The following BBS12 variants were observed in gnomAD, a reference collection of about 807,000 sequenced individuals.
The protein encoded by BBS12 is chaperonin-containing T-complex member BBS12.
Under a neutral mutation model 5.6 loss-of-function variants are expected in BBS12, and 5 were observed. The observed-to-expected ratio is 0.89, with a 90% confidence interval of 0.46 to 1.86. The LOEUF (loss-of-function observed/expected upper bound fraction) is 1.86, where lower values mean the gene tolerates loss of function less well. Among genes scored for constraint, BBS12 ranks in the 40% most tolerant of loss-of-function variants. BBS12 has a pLI of 0.01. For synonymous variants in BBS12, 308 were observed against 306.8 expected (o/e 1.00, Z -0.04); for missense variants, 748 against 830.4 (o/e 0.90, Z 1.22).
At chr4:122,726,256 G>A in the BBS12 span, among the ~76,000 whole-genome samples, 9 of 152,082 alleles carry the variant, frequency 5.9e-5, no homozygotes, top group Non-Finnish European at 8.8e-5. Context: ...CAAAAAGTGG[G>A]CTAAGGACAT....
upstream of BBS12, chr4:122,729,125 T>C (rs1433840082): frequency 6.5e-6 from 1 of 152,746 alleles, no homozygotes; most frequent in Non-Finnish European, 1.5e-5. Flanking sequence ...ACACTCCTCT[T>C]GTGCTGAAGG....
In BBS12 at chr4:122,743,590, A is replaced by G. The variant is rs746904755; in HGVS notation, c.1698A>G (p.Ser566=). ...QSLKKENHAC[S]GWLHNTSSWL... Reference sequence around the variant, plus strand: ...TGAAAAAAGAAAACCATGCCTGCTCAGGGTGGCTGCATAATACTTCCTCTT... The same window carrying G: ...TGAAAAAAGAAAACCATGCCTGCTCGGGGTGGCTGCATAATACTTCCTCTT... Residue 566 remains serine (S), a synonymous_variant, in exon 2 of 2, where the codon TCA becomes TCG. Transcript: ENST00000314218. The G allele has an allele frequency of 6.8e-6, 11 of 1,614,116 alleles. No homozygotes were observed. The highest frequency in any genetic ancestry group is 8.5e-6 in the Non-Finnish European group (10 of 1,180,040).
the BBS12 span, among the ~76,000 whole-genome samples, chr4:122,709,012 A>C: frequency 2.1e-3 from 324 of 152,278 alleles, 1 homozygote; most frequent in African/African-American, 7.4e-3. Context: ...AAGCAAAACA[A>C]CACCAAGAAA....
Position 122,743,241 on chromosome 4 carries a change from G to A in BBS12, c.1349G>A (p.Gly450Glu), listed in dbSNP as rs752905664. Residue 450 changes from glycine to glutamate, a missense_variant, in exon 2 of 2, where the codon GGA becomes GAA. Transcript: ENST00000314218. Reference sequence around the variant, plus strand: ...ATGCAGGCTTTTGCAGAGGCTGCAGGAGCAGTACAGGTGGCCTACATTACA... The same window carrying A: ...ATGCAGGCTTTTGCAGAGGCTGCAGAAGCAGTACAGGTGGCCTACATTACA... ...SVMQAFAEAA[G>E]AVQVAYITQV... 5 of 1,614,218 alleles carry A rather than the reference G, an allele frequency of 3.1e-6. No individual in the cohort carries two copies. Among genetic ancestry groups the A allele is most frequent in the Non-Finnish European group, 4.2e-6 (5 of 1,180,038 alleles).
chr4:122,712,851 C>CTG, the BBS12 span, among the ~76,000 whole-genome samples: 102 of 152,222 alleles, frequency 6.7e-4, no homozygotes, highest in Non-Finnish European at 1.1e-3. Flanking sequence ...TGTGTAAGCA[C>CTG]TGTGTGTGTG....
At chr4:122,719,390 C>A in the BBS12 span, among the ~76,000 whole-genome samples, 215 of 152,258 alleles carry the variant, frequency 1.4e-3, no homozygotes, top group African/African-American at 5.0e-3. Flanking sequence ...GCAACCCACT[C>A]GGGTCGGCTT....
At chr4:122,715,996 A>C in the BBS12 span, among the ~76,000 whole-genome samples, 1 of 152,214 alleles carries the variant, frequency 6.6e-6, no homozygotes, top group Non-Finnish European at 1.5e-5. Flanking sequence ...GGTTAGACCA[A>C]ATTCAATAAG....
intron 1 of BBS12, among the ~76,000 whole-genome samples, chr4:122,735,946 C>T (rs1045695602): frequency 3.9e-5 from 6 of 152,036 alleles, no homozygotes; most frequent in African/African-American, 1.4e-4. Flanking sequence ...TCAGGGTAGG[C>T]CTCATTGAAA....
At chr4:122,716,712 CAT>C in the BBS12 span, among the ~76,000 whole-genome samples, 1 of 95,178 alleles carries the variant, frequency 1.1e-5, no homozygotes, top group African/African-American at 5.3e-5. Flanking sequence ...TATACATACA[CAT>C]ATGTGTGTAT....
the BBS12 span, among the ~76,000 whole-genome samples, chr4:122,701,283 T>C: frequency 1.1e-3 from 174 of 152,294 alleles, 2 homozygotes; most frequent in African/African-American, 4.0e-3. Context: ...ACCTACACAG[T>C]GTGCTGCAGG....
At chr4:122,707,054 CTTTT>C in the BBS12 span, among the ~76,000 whole-genome samples, 7 of 72,250 alleles carry the variant, frequency 9.7e-5, no homozygotes, top group African/African-American at 1.9e-4. Flanking sequence ...CTCTCTCTCT[CTTTT>C]TTTTTTTTTT....
chr4:122,719,640 C>T, the BBS12 span, among the ~76,000 whole-genome samples: 1 of 152,080 alleles, frequency 6.6e-6, no homozygotes, highest in Non-Finnish European at 1.5e-5. Context: ...TCAGCGAGAC[C>T]ATGAACCCAC....
At chr4:122,713,809 G>A in the BBS12 span, among the ~76,000 whole-genome samples, 1 of 152,332 alleles carries the variant, frequency 6.6e-6, no homozygotes, top group African/African-American at 2.4e-5. Flanking sequence ...ATGGGAAGGA[G>A]AAATTGCAAT....
chr4:122,724,250 A>G, the BBS12 span, among the ~76,000 whole-genome samples: 1 of 152,212 alleles, frequency 6.6e-6, no homozygotes, highest in Non-Finnish European at 1.5e-5. Context: ...CTAGAGTTGT[A>G]CTATCTCAAA....
At chr4:122,707,733 G>T in the BBS12 span, among the ~76,000 whole-genome samples, 1 of 152,172 alleles carries the variant, frequency 6.6e-6, no homozygotes, top group African/African-American at 2.4e-5. Flanking sequence ...GGGAGGCTCT[G>T]GTGCAGTAGA....
At chr4:122,727,643 T>C in the BBS12 span, among the ~76,000 whole-genome samples, 1 of 140,648 alleles carries the variant, frequency 7.1e-6, no homozygotes, top group Admixed American at 7.6e-5. Flanking sequence ...CACCTCCGCC[T>C]CCGGGGTTCA....
At chr4:122,716,735 A>G in the BBS12 span, among the ~76,000 whole-genome samples, 479 of 101,586 alleles carry the variant, frequency 4.7e-3, 65 homozygotes, top group Middle Eastern at 0.021. Context: ...ATACACACAC[A>G]CGTGTGTGTG....
Position 122,742,694 on chromosome 4 carries a change from T to G in BBS12, c.802T>G (p.Leu268Val), listed in dbSNP as rs771195621. The stretch of plus-strand genomic sequence containing the variant: ...TCACAAAACTTACAGATGTAATGAT[T>G]TGGTAGAGTTGGCAGTAGGCTTGAG... Reference protein sequence around the residue: ...ATHKTYRCNDLVELAVGLSHG... With the variant: ...ATHKTYRCNDVVELAVGLSHG... Residue 268 changes from leucine (L) to valine (V), a missense_variant, in exon 2 of 2, where the codon TTG becomes GTG. By Grantham distance (32) the Leu-to-Val change is conservative. Coordinates refer to ENST00000314218, the MANE Select transcript of BBS12 (RefSeq NM_152618.3). 1.2e-6 allele frequency: 2 copies of G among 1,614,084 alleles called. No homozygotes were observed. The highest frequency in any genetic ancestry group is 1.7e-5 in the Admixed American group (1 of 60,004).
chr4:122,714,998 C>G, the BBS12 span, among the ~76,000 whole-genome samples: 2 of 151,798 alleles, frequency 1.3e-5, no homozygotes, highest in Admixed American at 6.6e-5. Flanking sequence ...ACCAGATACC[C>G]GATGAGATTC....
Sources: gnomAD v4.1 joint callset for allele counts (sites outside exome capture counted in the v4.1 genomes callset) on GRCh38, gnomAD v4.1.1 for gene constraint, MANE v1.5 for transcripts, NCBI Gene and HGNC (gene_info 2026-07-23, HGNC 2026-07-21) for gene names.